The following NVL variants were observed in gnomAD, a reference collection of about 807,000 sequenced individuals.
NVL encodes the protein nuclear VCP like, also known as nuclear valosin-containing protein-like.
Under a neutral mutation model 110.2 loss-of-function variants are expected in NVL, and 84 were observed. The ratio of observed to expected loss-of-function variants is 0.76; its 90% confidence interval spans 0.64 to 0.91. The LOEUF is 0.91. Ranked by LOEUF, NVL falls within the 40% of genes least tolerant of loss-of-function variation. The probability of loss-of-function intolerance (pLI) is 0.00; values close to 1 mark genes in which losing one functional copy is unlikely to be tolerated. For missense variants in NVL, 882 were observed against 1,035.9 expected (o/e 0.85, Z 2.04); for synonymous variants, 354 against 361.1 (o/e 0.98, Z 0.22).
At chr1:224,259,952 G>A (rs1409473138) in intron 18 of NVL, among the ~76,000 whole-genome samples, 1 of 151,908 alleles carries the variant, frequency 6.6e-6, no homozygotes, top group African/African-American at 2.4e-5. Context: ...TTACAGGCAT[G>A]AGCCATCGCA....
At chr1:224,329,285 G>T (rs1252909117) in intron 1 of NVL, among the ~76,000 whole-genome samples, 1 of 152,102 alleles carries the variant, frequency 6.6e-6, no homozygotes, top group African/African-American at 2.4e-5. Context: ...CTACTCAAAG[G>T]TTATTACACT....
At chr1:224,273,620 T>G (rs1470102717) in intron 17 of NVL, among the ~76,000 whole-genome samples, 2 of 151,970 alleles carry the variant, frequency 1.3e-5, no homozygotes, top group African/African-American at 4.8e-5. Context: ...CAGCTGACAG[T>G]AGAGAGCTTC....
intron 9 of NVL, among the ~76,000 whole-genome samples, chr1:224,301,969 T>C (rs990627708): frequency 6.6e-5 from 10 of 152,180 alleles, no homozygotes; most frequent in Non-Finnish European, 1.5e-5. Context: ...CCATTTATTA[T>C]AGTCATTATT....
chr1:224,245,610 CACAG>C (rs1391249487), intron 19 of NVL, among the ~76,000 whole-genome samples: 1 of 152,112 alleles, frequency 6.6e-6, no homozygotes, highest in Non-Finnish European at 1.5e-5. Flanking sequence ...CTGCCGTTGG[CACAG>C]ACAGAGGCTG....
rs1250771673 is a variant in NVL, at chr1:224,245,552, G to C, written c.2289+4660C>G. ...AGAATAGGACACAGTCAGAATTGGA[G>C]CAAAAATGCACTCTCAAGTCAAAGA... On this transcript the variant is annotated intron_variant, in intron 19 of 22. Coordinates refer to ENST00000281701, the MANE Select transcript of NVL (RefSeq NM_002533.4). 5.9e-5 allele frequency among the ~76,000 whole-genome samples: 9 copies of C among 152,254 alleles called. No homozygotes were observed. In the East Asian group the frequency reaches 1.7e-3, roughly 29 times the overall value.
chr1:224,255,238 G>A (rs1484869480), intron 18 of NVL, among the ~76,000 whole-genome samples: 1 of 123,098 alleles, frequency 8.1e-6, no homozygotes, highest in Non-Finnish European at 1.6e-5. Context: ...CGTCCAGGCT[G>A]GAATGCAGTG....
chr1:224,308,224 G>C lies in NVL; in HGVS notation c.382C>G (p.Arg128Gly), dbSNP rs200984793. 55 of 1,612,362 alleles carry C rather than the reference G, an allele frequency of 3.4e-5. No individual in the cohort carries two copies. Among genetic ancestry groups the C allele is most frequent in the Non-Finnish European group, 4.6e-5 (54 of 1,179,526 alleles). The change falls in exon 6 of 23, where the codon CGG becomes GGG. Residue 128 changes from arginine to glycine, a missense_variant. Around this residue, in one of 4 missense-constraint regions of NVL, gnomAD observed 274 missense variants for 268.4 expected, o/e 1.02. Coordinates refer to ENST00000281701, the MANE Select transcript of NVL (RefSeq NM_002533.4). ...HMNSSLLSLY[R>G]KGNPDSVSNT... Reference sequence around the variant, plus strand: ...GAAACAGAATCAGGATTTCCTTTCCGATATAAAGACAGCAGGGAACTGTTC... The same window carrying C: ...GAAACAGAATCAGGATTTCCTTTCCCATATAAAGACAGCAGGGAACTGTTC...
At chr1:224,298,286 C>A in intron 10 of NVL, 3 of 286,292 alleles carry the variant, frequency 1.0e-5, no homozygotes, top group South Asian at 4.1e-5. Context: ...AGGAATGTCC[C>A]ACAAGTGTTA....
In NVL at chr1:224,294,384, C is replaced by G; in HGVS notation, c.1208G>C (p.Arg403Pro). The G allele has an allele frequency of 6.2e-7, 1 of 1,613,906 alleles. No individual in the cohort carries two copies. Reference sequence around the variant, plus strand: ...ATTAGTAGCTCCAATAACTAGGACCCGGGCTGTAGCAGCCACATTATTCAG... The same window carrying G: ...ATTAGTAGCTCCAATAACTAGGACCGGGGCTGTAGCAGCCACATTATTCAG... The part of the protein sequence containing the change: ...DDLNNVAATA[R>P]VLVIGATNRP... The change falls in exon 12 of 23, where the codon CGG becomes CCG. Residue 403 changes from arginine to proline, a missense_variant. Coordinates refer to ENST00000281701, the MANE Select transcript of NVL (RefSeq NM_002533.4).
intron 18 of NVL, among the ~76,000 whole-genome samples, chr1:224,255,425 C>T (rs1224369519): frequency 6.6e-6 from 1 of 151,964 alleles, no homozygotes; most frequent in African/African-American, 2.4e-5. Context: ...ATCTCCTGAC[C>T]TTGTGATCCG....
intron 22 of NVL, among the ~76,000 whole-genome samples, chr1:224,229,588 G>A (rs955190204): frequency 6.6e-6 from 1 of 151,232 alleles, no homozygotes; most frequent in African/African-American, 2.4e-5. Context: ...GTGCGCAGTA[G>A]CTGGGACTAC....
chr1:224,303,904 A>G (rs762897722), intron 8 of NVL, 47 bp from the exon 9 acceptor site: 1 of 1,548,074 alleles, frequency 6.5e-7, no homozygotes, highest in Non-Finnish European at 8.7e-7. Context: ...AGAACAATCA[A>G]AGTAGAATGA....
intron 15 of NVL, among the ~76,000 whole-genome samples, chr1:224,283,991 G>A (rs1364370932): frequency 6.6e-6 from 1 of 152,168 alleles, no homozygotes; most frequent in Non-Finnish European, 1.5e-5. Context: ...TATTAAAAAT[G>A]TTATTATTTC....
At chr1:224,240,111 A>G (rs1440624565) in intron 19 of NVL, among the ~76,000 whole-genome samples, 2 of 119,660 alleles carry the variant, frequency 1.7e-5, no homozygotes, top group East Asian at 2.5e-4. Context: ...TCACAGGCCC[A>G]GGCTGGAGTG....
chr1:224,266,364 A>G (rs1169002195), intron 18 of NVL, among the ~76,000 whole-genome samples: 1 of 152,218 alleles, frequency 6.6e-6, no homozygotes, highest in Admixed American at 6.5e-5. Context: ...GTCCAAAGAT[A>G]GGGTAAAATT....
intron 18 of NVL, chr1:224,256,947 C>G: frequency 8.7e-6 from 4 of 458,402 alleles, no homozygotes; most frequent in South Asian, 3.3e-5. Flanking sequence ...ACAGCTATCA[C>G]CCGGCTCAAA....
intron 18 of NVL, among the ~76,000 whole-genome samples, chr1:224,264,703 T>A (rs1017042120): frequency 6.6e-6 from 1 of 150,988 alleles, no homozygotes; most frequent in Non-Finnish European, 1.5e-5. Context: ...AACTGCCAAA[T>A]AAGCATGAAA....
At chr1:224,319,939 C>A (rs2404861) in intron 2 of NVL, among the ~76,000 whole-genome samples, 2 of 152,058 alleles carry the variant, frequency 1.3e-5, no homozygotes, top group African/African-American at 2.4e-5. Context: ...TGATTCCAAC[C>A]ATGTGAAAAC....
chr1:224,274,289 TCAA>T (rs1236208047), intron 17 of NVL, among the ~76,000 whole-genome samples: 4 of 150,810 alleles, frequency 2.7e-5, no homozygotes, highest in Middle Eastern at 3.5e-3. Context: ...AGACTCTGTT[TCAA>T]CAACAACAAC....
Sources: gnomAD v4.1 joint callset for allele counts (sites outside exome capture counted in the v4.1 genomes callset) on GRCh38, gnomAD v4.1.1 for gene constraint, gnomAD v4.1.1 regional missense constraint, MANE v1.5 for transcripts, NCBI Gene and HGNC (gene_info 2026-07-23, HGNC 2026-07-21) for gene names.